The following JPH2 variants were observed in gnomAD, a reference collection of about 807,000 sequenced individuals.
JPH2 encodes junctophilin 2, also known as junctophilin-2.
JPH2 carries 38 observed loss-of-function variants against 55.9 expected under a neutral mutation model. That is an observed-to-expected ratio of 0.68 (90% confidence interval 0.52 to 0.89). The LOEUF is 0.89. Among genes scored for constraint, JPH2 ranks in the 40% least tolerant of loss-of-function variants. The pLI, the probability that JPH2 is intolerant of heterozygous loss-of-function variation, is 0.00. For missense variants in JPH2, 964 were observed against 1,037.6 expected (o/e 0.93, Z 0.97); for synonymous variants, 480 against 472.4 (o/e 1.02, Z -0.21).
intron 2 of JPH2, among the ~76,000 whole-genome samples, chr20:44,152,526 A>G (rs888665339): frequency 2.0e-5 from 3 of 152,152 alleles, no homozygotes; most frequent in African/African-American, 7.2e-5. Context: ...AAAAGGGGGA[A>G]AAAAAGTTAA....
At chr20:44,134,663 T>C (rs865888432) in intron 2 of JPH2, among the ~76,000 whole-genome samples, 1 of 27,698 alleles carries the variant, frequency 3.6e-5, no homozygotes, top group African/African-American at 1.6e-4. Context: ...TATAAATATA[T>C]ATAAATATAT....
intron 2 of JPH2, among the ~76,000 whole-genome samples, chr20:44,138,258 G>C (rs1222291110): frequency 6.6e-6 from 1 of 151,784 alleles, no homozygotes; most frequent in Non-Finnish European, 1.5e-5. Context: ...TGCCCACCTT[G>C]GCTTCCCAAA....
At position 44,156,035 on chromosome 20, in the gene JPH2, C is replaced by CAA. The variant is rs753733872; in HGVS notation, c.1169+3581_1169+3582dup. Among the ~76,000 whole-genome samples the CAA allele has an allele frequency of 2.7e-3, 337 of 124,286 alleles. 10 individuals are homozygous for CAA. The East Asian group carries it at 0.03, about 11-fold the overall frequency. The allele number at this position is 124,286 out of a possible 152,430, so 81.5% of individuals were successfully genotyped here. A position where few individuals can be genotyped will look rare whatever the true frequency, so the allele number is the denominator to read the frequency against. On this transcript the variant is annotated intron_variant, in intron 2 of 5. Coordinates refer to ENST00000372980, the MANE Select transcript of JPH2 (RefSeq NM_020433.5). ...TGGGCAACACAGTGAGACCCTGCCT[C>CAA]AAAAAAAAAAAAAACTGTCAAGGAC...
chr20:44,178,882 G>C (rs760121062), intron 1 of JPH2, among the ~76,000 whole-genome samples: 2 of 152,140 alleles, frequency 1.3e-5, no homozygotes, highest in African/African-American at 2.4e-5. Context: ...ATCTCTGCAA[G>C]GAACATGTAT....
chr20:44,107,736 T>C lies in JPH2; in HGVS notation c.*5782A>G, dbSNP rs1232380331. 1.3e-5 allele frequency among the ~76,000 whole-genome samples: 2 copies of C among 152,240 alleles called. No individual in the cohort carries two copies. The highest frequency in any genetic ancestry group is 2.9e-5 in the Non-Finnish European group (2 of 68,040). On this transcript the variant is annotated 3_prime_UTR_variant, in exon 6 of 6. Transcript: ENST00000372980. ...CATGGATATAGAGATGAATCACAGA[T>C]AGCCCCTCTCTTAAGGAACTCAGTC...
chr20:44,134,291 T>TTA (rs1412194595), intron 2 of JPH2, among the ~76,000 whole-genome samples: 1 of 24,060 alleles, frequency 4.2e-5, no homozygotes, highest in Non-Finnish European at 7.6e-5. Flanking sequence ...TAAATATTTA[T>TTA]TATAAATATA....
In JPH2 at chr20:44,180,340, AT is replaced by A. The variant is rs924429420; in HGVS notation, c.379+5986del. Among the ~76,000 whole-genome samples, 443 of 130,838 alleles carry A rather than the reference AT, an allele frequency of 3.4e-3. 3 individuals carry two copies. The highest frequency in any genetic ancestry group is 0.012 in the Middle Eastern group (3 of 242). The allele number at this position is 130,838 out of a possible 152,430, so 85.8% of individuals were successfully genotyped here. The stretch of plus-strand genomic sequence containing the variant: ...TCTTTATTATTATTATATTTATTTT[AT>A]TTTTTTTTGACACAGTGTCTCATTC... On this transcript the variant is annotated intron_variant, in intron 1 of 5. Transcript: ENST00000372980.
In JPH2 at chr20:44,160,259, G is replaced by A; in HGVS notation, c.528C>T (p.Ala176=). 2 of 1,529,744 alleles carry A rather than the reference G, an allele frequency of 1.3e-6. No individual in the cohort carries two copies. The highest frequency in any genetic ancestry group is 1.8e-6 in the Non-Finnish European group (2 of 1,142,068). 94.8% of individuals were successfully genotyped at this position (1,529,744 alleles called of 1,614,324 possible). ...LRSEHSNGTV[A]PDSPASPASD... is the part of the protein sequence containing the mutation. ...AGGCCGGCGAGGCGGGAGAGTCCGGGGCCACCGTGCCGTTGCTGTGCTCGC... is the reference window on the plus strand; with the variant it reads ...AGGCCGGCGAGGCGGGAGAGTCCGGAGCCACCGTGCCGTTGCTGTGCTCGC... Residue 176 remains alanine, a synonymous_variant, in exon 2 of 6, where the codon GCC becomes GCT. Transcript: ENST00000372980. This position sits in a 1 kb window ranked among gnomAD's most constrained non-coding sequence, Gnocchi z 4.9.
Position 44,160,352 on chromosome 20 carries a change from C to G in JPH2, c.435G>C (p.Gln145His). Reference protein sequence around the residue: ...NGMRHGYGVRQSVPYGMAVVV... With the variant: ...NGMRHGYGVRHSVPYGMAVVV... ...CCACGGCCATCCCGTAGGGCACGCT[C>G]TGGCGTACTCCGTAGCCATGGCGCA... Residue 145 changes from glutamine to histidine, a missense_variant, in exon 2 of 6, where the codon CAG becomes CAC. Gln to His is a conservative substitution (Grantham distance 24). Transcript: ENST00000372980. This position sits in a 1 kb window ranked among gnomAD's most constrained non-coding sequence, Gnocchi z 4.9. The G allele has an allele frequency of 6.3e-7, 1 of 1,597,142 alleles. No homozygotes were observed. The highest frequency in any genetic ancestry group is 8.5e-7 in the Non-Finnish European group (1 of 1,172,612).
intron 1 of JPH2, among the ~76,000 whole-genome samples, chr20:44,165,235 C>G (rs1015685678): frequency 2.0e-5 from 3 of 151,618 alleles, no homozygotes; most frequent in African/African-American, 7.3e-5. Flanking sequence ...GAAATTACAC[C>G]TTGATACAGT....
intron 2 of JPH2, among the ~76,000 whole-genome samples, chr20:44,128,912 T>C (rs1272601814): frequency 2.0e-5 from 3 of 152,194 alleles, no homozygotes; most frequent in Non-Finnish European, 4.4e-5. Flanking sequence ...GGTGACTTAC[T>C]GAAATTCTCT....
chr20:44,150,495 G>T (rs1600852786), intron 2 of JPH2, among the ~76,000 whole-genome samples: 1 of 152,168 alleles, frequency 6.6e-6, no homozygotes, highest in South Asian at 2.1e-4. Flanking sequence ...AATCCCAGCG[G>T]CCTTTTTTTC....
chr20:44,162,787 T>TAC (rs765198116), intron 1 of JPH2, among the ~76,000 whole-genome samples: 1,743 of 40,766 alleles, frequency 0.043, 92 homozygotes, highest in Non-Finnish European at 0.054. Context: ...TATATATATA[T>TAC]ACACACACAC....
rs141706991 is a variant in JPH2, at chr20:44,173,458, C to A, written c.379+12869G>T. Among the ~76,000 whole-genome samples the A allele has an allele frequency of 2.2e-3, 328 of 152,222 alleles. 11 individuals carry two copies. In the East Asian group the frequency reaches 0.04, roughly 19 times the overall value. On this transcript the variant is annotated intron_variant, in intron 1 of 5. Coordinates refer to ENST00000372980, the MANE Select transcript of JPH2 (RefSeq NM_020433.5). ...CAATCAACATTTCCCTCTCCCTAGC[C>A]CCCTGCCCGCCAAACTATCCTTAAA...
intron 2 of JPH2, among the ~76,000 whole-genome samples, chr20:44,139,332 G>T (rs2072439053): frequency 6.6e-6 from 1 of 152,154 alleles, no homozygotes; most frequent in South Asian, 2.1e-4. Flanking sequence ...GCAACTGCGA[G>T]TTGGGGGAAT....
At chr20:44,151,756 C>T (rs533411784) in intron 2 of JPH2, among the ~76,000 whole-genome samples, 32 of 152,146 alleles carry the variant, frequency 2.1e-4, no homozygotes, top group Non-Finnish European at 2.8e-4. Flanking sequence ...ATTCAAAGCC[C>T]GTACTAACCT....
At chr20:44,153,985 T>G (rs1481605202) in intron 2 of JPH2, among the ~76,000 whole-genome samples, 1 of 152,142 alleles carries the variant, frequency 6.6e-6, no homozygotes, top group East Asian at 1.9e-4. Context: ...CCAGCTTCCC[T>G]CCACAATCCA....
chr20:44,132,355 G>GACACACACAC (rs749014190), intron 2 of JPH2, among the ~76,000 whole-genome samples: 31 of 101,278 alleles, frequency 3.1e-4, no homozygotes, highest in South Asian at 4.8e-4. Context: ...CAGACAGACA[G>GACACACACAC]ACACACACAC....
At chr20:44,176,812 A>G (rs780004200) in intron 1 of JPH2, 5 of 953,636 alleles carry the variant, frequency 5.2e-6, no homozygotes, top group Non-Finnish European at 6.2e-6. Context: ...AAAAGAAAAA[A>G]AAGGTATCCA....
Sources: gnomAD v4.1 joint callset for allele counts (sites outside exome capture counted in the v4.1 genomes callset) on GRCh38, gnomAD v4.1.1 for gene constraint, Gnocchi (gnomAD v3.1) non-coding constraint, MANE v1.5 for transcripts, NCBI Gene and HGNC (gene_info 2026-07-23, HGNC 2026-07-21) for gene names.